PCDHA6: variants seen among roughly 807,000 people sequenced by gnomAD.
PCDHA6 encodes protocadherin alpha-6.
Under a neutral mutation model 60.3 loss-of-function variants are expected in PCDHA6, and 55 were observed. The ratio of observed to expected loss-of-function variants is 0.91; its 90% CI spans 0.73 to 1.14. The LOEUF (loss-of-function observed/expected upper bound fraction) is 1.14, where lower values mean the gene tolerates loss of function less well. Ranked by LOEUF, PCDHA6 falls within the 50% of genes most tolerant of loss-of-function variation. PCDHA6 has a pLI of 0.00. For synonymous variants in PCDHA6, 652 were observed against 557.9 expected, an observed-to-expected ratio of 1.17 and a Z score of -2.38; for missense variants, 1,327 against 1,256.5, an observed-to-expected ratio of 1.06 and a Z score of -0.85.
At chr5:140,934,533 C>T (rs1418320473) in intron 1 of PCDHA6, among the ~76,000 whole-genome samples, 5 of 152,086 alleles carry the variant, frequency 3.3e-5, no homozygotes, top group African/African-American at 4.8e-5. Flanking sequence ...CGAGAGCTAC[C>T]GTTCTAATTC....
intron 1 of PCDHA6, chr5:140,883,838 GA>G: frequency 6.2e-7 from 1 of 1,612,738 alleles, no homozygotes; most frequent in Non-Finnish European, 8.5e-7. Context: ...GCAGCCGTTG[GA>G]CCACGAGGAG....
In PCDHA6 at chr5:140,829,912, T is replaced by C. The variant is rs145708741; in HGVS notation, c.1821T>C (p.Leu607=). ...CCGACTCAGGCTACAACGCGTGGCT[T>C]TCGTATGAGCTGCAGCCCCCGGCAA... ...VDADSGYNAW[L]SYELQPPASS... The change falls in exon 1 of 4, where the codon CTT becomes CTC. Residue 607 remains leucine (L), a synonymous_variant. Coordinates refer to ENST00000529310, the MANE Select transcript of PCDHA6 (RefSeq NM_018909.4). 24 of 1,613,880 alleles carry C rather than the reference T, an allele frequency of 1.5e-5. No individual in the cohort carries two copies. In the African/African-American group the frequency reaches 3.1e-4, roughly 21 times the overall value.
At chr5:140,925,932 A>G (rs1202634955) in intron 1 of PCDHA6, among the ~76,000 whole-genome samples, 1 of 150,196 alleles carries the variant, frequency 6.7e-6, no homozygotes, top group African/African-American at 2.5e-5. Flanking sequence ...TCCCAAGTAG[A>G]GCCTCTTGGA....
intron 3 of PCDHA6, among the ~76,000 whole-genome samples, chr5:141,006,105 G>GTT (rs79904017): frequency 1.9e-4 from 27 of 143,364 alleles, no homozygotes; most frequent in Middle Eastern, 3.8e-3. Flanking sequence ...ATGGTAAGGA[G>GTT]TTTTTTTTTT....
intron 1 of PCDHA6, chr5:140,861,256 C>T (rs553582293): frequency 1.8e-5 from 3 of 166,694 alleles, no homozygotes; most frequent in African/African-American, 7.2e-5. Flanking sequence ...GCCAGGAATC[C>T]CGGAGCCTAC....
intron 1 of PCDHA6, chr5:140,843,382 G>C: frequency 6.3e-7 from 1 of 1,596,126 alleles, no homozygotes; most frequent in Non-Finnish European, 8.6e-7. Flanking sequence ...CTGGCGTTTT[G>C]GGTCCGGAAG....
intron 1 of PCDHA6, chr5:140,871,080 G>A: frequency 6.2e-7 from 1 of 1,613,212 alleles, no homozygotes; most frequent in Non-Finnish European, 8.5e-7. Flanking sequence ...CGGCGCTGAC[G>A]GCCACGGCCA....
chr5:140,966,373 T>G (rs1554228235), intron 1 of PCDHA6: 1 of 404,624 alleles, frequency 2.5e-6, no homozygotes, highest in African/African-American at 2.1e-5. Flanking sequence ...GGCTGAGCAG[T>G]CCGGGTTCGC....
In PCDHA6 at chr5:140,829,950, T is replaced by A; in HGVS notation, c.1859T>A (p.Phe620Tyr). The A allele has an allele frequency of 6.2e-7, 1 of 1,613,960 alleles. No individual in the cohort carries two copies. The highest frequency in any genetic ancestry group is 8.5e-7 in the Non-Finnish European group (1 of 1,179,912). Reference protein sequence around the residue: ...ELQPPASSARFPFRVGLYTGE... With the variant: ...ELQPPASSARYPFRVGLYTGE... ...CAGCCCCCGGCAAGCAGCGCTCGCT[T>A]CCCGTTTCGCGTGGGGCTGTACACG... is the stretch of plus-strand genomic sequence containing the variant. Residue 620 changes from phenylalanine to tyrosine, a missense_variant, in exon 1 of 4, where the codon TTC (phenylalanine) becomes TAC (tyrosine). Coordinates refer to ENST00000529310, the MANE Select transcript of PCDHA6 (RefSeq NM_018909.4).
rs554073823 is a variant in PCDHA6 at position 140,945,407 on chromosome 5, T to C, written c.2395-33542T>C. Among the ~76,000 whole-genome samples, 498 of 152,246 alleles carry C rather than the reference T, an allele frequency of 3.3e-3. 2 individuals carry two copies. Among genetic ancestry groups the C allele is most frequent in the African/African-American group, 0.011 (476 of 41,568 alleles). ...CAATATACAAATTCAATACAATTCG[T>C]ATCAAAATTTCAATGAAGTTTTTAC... On this transcript the variant is annotated intron_variant, in intron 1 of 3. Coordinates refer to ENST00000529310, the MANE Select transcript of PCDHA6 (RefSeq NM_018909.4).
chr5:140,879,879 G>A lies in PCDHA6; in HGVS notation c.2394+49394G>A, dbSNP rs564256513. Among the ~76,000 whole-genome samples the A allele has an allele frequency of 4.6e-5, 7 of 152,240 alleles. No individual in the cohort carries two copies. In the South Asian group the frequency reaches 1.5e-3, roughly 32 times the overall value. On this transcript the variant is annotated intron_variant, in intron 1 of 3. Coordinates refer to ENST00000529310, the MANE Select transcript of PCDHA6 (RefSeq NM_018909.4). ...CCTTCTCAGCTTTCATGGTCACATT[G>A]CCTCCTCCTCTCCATGTCTCTCTCT... is the stretch of plus-strand genomic sequence containing the variant.
At chr5:140,951,832 C>A (rs2094641157) in intron 1 of PCDHA6, among the ~76,000 whole-genome samples, 1 of 152,142 alleles carries the variant, frequency 6.6e-6, no homozygotes, top group East Asian at 1.9e-4. Context: ...CTCATTCCAG[C>A]ATTAAGCCAA....
intron 1 of PCDHA6, among the ~76,000 whole-genome samples, chr5:140,970,569 C>T (rs1346474165): frequency 3.9e-5 from 6 of 152,038 alleles, no homozygotes; most frequent in African/African-American, 1.4e-4. Flanking sequence ...CATATGTATG[C>T]TTGAAATAAC....
chr5:141,000,593 A>G (rs1021263998), intron 3 of PCDHA6, among the ~76,000 whole-genome samples: 3 of 150,498 alleles, frequency 2.0e-5, no homozygotes, highest in African/African-American at 4.9e-5. Flanking sequence ...ATGCCCAGCT[A>G]ATTTTTGTAT....
rs2096504149 is a variant in PCDHA6 at position 140,971,885 on chromosome 5, T to G, written c.2395-7064T>G. Among the ~76,000 whole-genome samples the G allele has an allele frequency of 2.0e-5, 3 of 152,134 alleles. No individual in the cohort carries two copies. In the South Asian group the frequency reaches 6.2e-4, roughly 31 times the overall value. ...ACATCTAGCATATGAGGAAATAAGC[T>G]CAGGGAGGTTAGGTAATCTACACAG... On this transcript the variant is annotated intron_variant, in intron 1 of 3. Coordinates refer to ENST00000529310, the MANE Select transcript of PCDHA6 (RefSeq NM_018909.4).
At chr5:140,976,338 G>A (rs1554237535) in intron 1 of PCDHA6, among the ~76,000 whole-genome samples, 1 of 152,018 alleles carries the variant, frequency 6.6e-6, no homozygotes, top group Non-Finnish European at 1.5e-5. Flanking sequence ...ATTGCCTGAG[G>A]TCAGGTGTTC....
At chr5:140,862,498 TG>T in intron 1 of PCDHA6, 1 of 395,232 alleles carries the variant, frequency 2.5e-6, no homozygotes, top group Non-Finnish European at 5.1e-6. Flanking sequence ...TCGCTCGGAA[TG>T]GGGACTCGCT....
intron 1 of PCDHA6, chr5:140,875,247 A>G (rs1427742475): frequency 2.1e-6 from 2 of 962,258 alleles, no homozygotes; most frequent in Non-Finnish European, 2.9e-6. Context: ...TTACATAATC[A>G]GTCACATGAT....
intron 1 of PCDHA6, among the ~76,000 whole-genome samples, chr5:140,839,625 C>T (rs1361180713): frequency 6.6e-6 from 1 of 151,884 alleles, no homozygotes; most frequent in African/African-American, 2.4e-5. Flanking sequence ...CCTGAGATAT[C>T]GAGAAATACT....
Sources: allele counts gnomAD v4.1 joint callset (sites outside exome capture counted in the v4.1 genomes callset), GRCh38; gene constraint gnomAD v4.1.1; transcripts MANE v1.5; gene names NCBI Gene and HGNC (gene_info 2026-07-23, HGNC 2026-07-21).